Variants in FSTL5 observed in about 807,000 individuals in gnomAD.
The protein encoded by FSTL5 is follistatin like 5, also known as follistatin-related protein 5.
A neutral mutation model predicts 89.1 loss-of-function variants in FSTL5; 62 were observed. The observed-to-expected ratio is 0.70, with a 90% confidence interval of 0.57 to 0.86. FSTL5 has a LOEUF of 0.86. Ranked by LOEUF, FSTL5 falls within the 40% of genes least tolerant of loss-of-function variation. The pLI, the probability that FSTL5 is intolerant of heterozygous loss-of-function variation, is 0.00. For synonymous variants in FSTL5, 383 were observed against 346.2 expected, an observed-to-expected ratio of 1.11 and a Z score of -1.18; for missense variants, 1,057 against 1,001.6, an observed-to-expected ratio of 1.06 and a Z score of -0.75.
intron 3 of FSTL5, among the ~76,000 whole-genome samples, chr4:161,973,178 T>G (rs1298167808): frequency 6.6e-6 from 1 of 152,192 alleles, no homozygotes; most frequent in Non-Finnish European, 1.5e-5. Context: ...TCATGTTTTT[T>G]TTTCTGTATT....
chr4:161,880,163 T>C (rs990721349), intron 4 of FSTL5, among the ~76,000 whole-genome samples: 1 of 152,090 alleles, frequency 6.6e-6, no homozygotes, highest in African/African-American at 2.4e-5. Flanking sequence ...GTGGTGGTAA[T>C]GGTAAAGGTA....
intron 8 of FSTL5, among the ~76,000 whole-genome samples, chr4:161,575,846 G>A (rs1164377624): frequency 6.6e-6 from 1 of 152,118 alleles, no homozygotes; most frequent in Non-Finnish European, 1.5e-5. Context: ...AATAAATAAA[G>A]GGTATTCAAA....
intron 10 of FSTL5, 70 bp downstream of exon 10, chr4:161,538,096 T>G (rs1731691398): frequency 1.3e-6 from 2 of 1,514,974 alleles, no homozygotes; most frequent in Admixed American, 1.8e-5. Context: ...TGCCTTTACT[T>G]TTTAAAAAAA....
chr4:161,481,868 A>G (rs1209275451), intron 12 of FSTL5, among the ~76,000 whole-genome samples: 2 of 152,198 alleles, frequency 1.3e-5, no homozygotes, highest in Non-Finnish European at 2.9e-5. Flanking sequence ...CATATTGTCA[A>G]AAAATGATTG....
intron 6 of FSTL5, among the ~76,000 whole-genome samples, chr4:161,707,585 T>A (rs999427248): frequency 2.0e-5 from 3 of 151,922 alleles, no homozygotes; most frequent in African/African-American, 7.2e-5. Context: ...ATTTAACATG[T>A]CTATTCTAAC....
chr4:162,140,287 C>T (rs943604442), intron 1 of FSTL5, among the ~76,000 whole-genome samples: 1 of 152,100 alleles, frequency 6.6e-6, no homozygotes, highest in African/African-American at 2.4e-5. Context: ...CTAGAAAATT[C>T]TCACATGTGT....
intron 15 of FSTL5, among the ~76,000 whole-genome samples, chr4:161,404,892 A>G (rs1444147178): frequency 6.6e-6 from 1 of 152,114 alleles, no homozygotes; most frequent in Admixed American, 6.6e-5. Flanking sequence ...TCCGAGGAAG[A>G]ACAAACATTG....
At chr4:161,581,650 G>A (rs530686719) in intron 8 of FSTL5, among the ~76,000 whole-genome samples, 5 of 152,244 alleles carry the variant, frequency 3.3e-5, no homozygotes, top group East Asian at 1.9e-4. Context: ...TGTGTCTTTC[G>A]TACAGATGTT....
rs564051872 is a variant in FSTL5, at chr4:161,598,047, C to T, written c.895-10472G>A. On this transcript the variant is annotated intron_variant, in intron 7 of 15. Coordinates refer to ENST00000306100, the MANE Select transcript of FSTL5 (RefSeq NM_020116.5). ...AGGTATCAATTATTCCTAAATTAATCCAAAATCTCAACACAATTTCAATTA... is the reference window on the plus strand; with the variant it reads ...AGGTATCAATTATTCCTAAATTAATTCAAAATCTCAACACAATTTCAATTA... 3.7e-4 allele frequency among the ~76,000 whole-genome samples: 56 copies of T among 152,170 alleles called. 1 individual carries two copies. The South Asian group carries it at 7.7e-3, about 21-fold the overall frequency.
intron 12 of FSTL5, 71 bp from the exon 13 acceptor site, chr4:161,481,240 A>G: frequency 8.4e-7 from 1 of 1,189,756 alleles, no homozygotes; most frequent in Non-Finnish European, 1.2e-6. Context: ...TATCATGGGT[A>G]AAATTAATGT....
chr4:162,035,143 A>T (rs1037520798), intron 2 of FSTL5: 5 of 151,922 alleles, frequency 3.3e-5, no homozygotes, highest in African/African-American at 1.2e-4. Context: ...TCATTCATTC[A>T]GTCAGTCAGT....
At chr4:162,107,796 T>C (rs867635777) in intron 2 of FSTL5, among the ~76,000 whole-genome samples, 2 of 152,156 alleles carry the variant, frequency 1.3e-5, no homozygotes, top group African/African-American at 4.8e-5. Context: ...CGTCCCTATG[T>C]CTGCCCTACC....
At chr4:161,699,445 G>A (rs959277350) in intron 6 of FSTL5, among the ~76,000 whole-genome samples, 3 of 152,130 alleles carry the variant, frequency 2.0e-5, no homozygotes, top group Non-Finnish European at 4.4e-5. Flanking sequence ...CCAGTGTTCA[G>A]ATTCCAGCGA....
rs548500417 is a variant in FSTL5, at chr4:161,563,853, C to T, written c.1016-21160G>A. Among the ~76,000 whole-genome samples, 11 of 151,976 alleles carry T rather than the reference C, an allele frequency of 7.2e-5. No homozygotes were observed. The South Asian group carries it at 2.3e-3, about 32-fold the overall frequency. ...ATCTAAATTGGTTAGAAGTGCCAAC[C>T]TGTTTTGAAAGTTTTCTAAGTAGTA... On this transcript the variant is annotated intron_variant, in intron 8 of 15. Transcript: ENST00000306100.
At chr4:161,712,107 C>A (rs1738801270) in intron 6 of FSTL5, among the ~76,000 whole-genome samples, 1 of 152,048 alleles carries the variant, frequency 6.6e-6, no homozygotes, top group Non-Finnish European at 1.5e-5. Flanking sequence ...CCATATTATA[C>A]CAAACTTTGA....
intron 12 of FSTL5, among the ~76,000 whole-genome samples, chr4:161,499,429 T>C (rs1184113904): frequency 6.6e-6 from 1 of 152,132 alleles, no homozygotes; most frequent in Non-Finnish European, 1.5e-5. Context: ...CTTTTTTTCA[T>C]TCTAGGGCAT....
intron 3 of FSTL5, among the ~76,000 whole-genome samples, chr4:161,977,352 C>T (rs1735677620): frequency 6.6e-6 from 1 of 151,826 alleles, no homozygotes; most frequent in South Asian, 2.1e-4. Context: ...GTGGCTCACG[C>T]CTGTAATCCC....
At chr4:161,965,667 T>G (rs527880743) in intron 3 of FSTL5, among the ~76,000 whole-genome samples, 13 of 152,174 alleles carry the variant, frequency 8.5e-5, no homozygotes, top group African/African-American at 2.9e-4. Flanking sequence ...AGACAGGATA[T>G]TTAAATGTAT....
chr4:161,834,290 T>G (rs1001079749), intron 4 of FSTL5, among the ~76,000 whole-genome samples: 1 of 152,148 alleles, frequency 6.6e-6, no homozygotes, highest in African/African-American at 2.4e-5. Flanking sequence ...TAGGTATTGA[T>G]GGGACGTATC....
Sources: gnomAD v4.1 joint callset for allele counts (sites outside exome capture counted in the v4.1 genomes callset) on GRCh38, gnomAD v4.1.1 for gene constraint, MANE v1.5 for transcripts, NCBI Gene and HGNC (gene_info 2026-07-23, HGNC 2026-07-21) for gene names.